Variants in DPP6 observed in about 807,000 individuals in gnomAD.
DPP6 encodes A-type potassium channel modulatory protein DPP6.
In DPP6, 69 loss-of-function variants were observed where a neutral mutation model predicts 122.6. The ratio of observed to expected loss-of-function variants is 0.56; its 90% CI spans 0.46 to 0.69. The LOEUF is 0.69. DPP6 is among the 30% of genes least tolerant of loss of function. DPP6 has a pLI of 0.00. For synonymous variants in DPP6, 418 were observed against 433.1 expected, an observed-to-expected ratio of 0.97 and a Z score of 0.43; for missense variants, 928 against 1,116.9, an observed-to-expected ratio of 0.83 and a Z score of 2.41.
rs74604618 is a variant in DPP6 at position 154,706,579 on chromosome 7, G to A, written c.763-21188G>A. ...TGGGCAGGGCCTGATGCTGGTTCCTGTCACTGTTGTGCCCACCTCTCCATG... is the reference window on the plus strand; with the variant it reads ...TGGGCAGGGCCTGATGCTGGTTCCTATCACTGTTGTGCCCACCTCTCCATG... On this transcript the variant is annotated intron_variant, in intron 7 of 25. Transcript: ENST00000377770. Among the ~76,000 whole-genome samples, 308 of 152,320 alleles carry A rather than the reference G, an allele frequency of 2.0e-3. 1 individual carries two copies. Among genetic ancestry groups the A allele is most frequent in the Non-Finnish European group, 2.7e-3 (182 of 68,028 alleles).
At chr7:154,001,428 T>C (rs537175514) in intron 1 of DPP6, among the ~76,000 whole-genome samples, 3 of 147,238 alleles carry the variant, frequency 2.0e-5, no homozygotes, top group African/African-American at 7.5e-5. Flanking sequence ...CTTCAAAGTC[T>C]TAAAGGAAGT....
In DPP6 at chr7:154,184,445, G is replaced by A. The variant is rs571355531; in HGVS notation, c.243+131382G>A. 5.3e-5 allele frequency among the ~76,000 whole-genome samples: 8 copies of A among 151,864 alleles called. No individual in the cohort carries two copies. The South Asian group carries it at 6.3e-4, about 12-fold the overall frequency. On this transcript the variant is annotated intron_variant, in intron 1 of 25. Transcript: ENST00000377770. The stretch of plus-strand genomic sequence containing the variant: ...AAGTCTGTGGTTGTTGGTAAGCAGC[G>A]TAAAAGCCAGGGAGTGTCTGCTGCA...
intron 7 of DPP6, among the ~76,000 whole-genome samples, chr7:154,671,632 C>T (rs1039480272): frequency 2.0e-5 from 3 of 146,828 alleles, no homozygotes; most frequent in Admixed American, 6.8e-5. Context: ...AGTTGCTGTG[C>T]ATGCATATGT....
intron 16 of DPP6, among the ~76,000 whole-genome samples, chr7:154,814,333 A>G (rs1048930355): frequency 2.6e-5 from 4 of 152,110 alleles, no homozygotes; most frequent in Admixed American, 2.6e-4. Context: ...GTCTTTGACT[A>G]CCTGATAAAC....
intron 10 of DPP6, among the ~76,000 whole-genome samples, chr7:154,780,269 G>A (rs1292790101): frequency 6.6e-6 from 1 of 152,194 alleles, no homozygotes; most frequent in Non-Finnish European, 1.5e-5. Context: ...TTGATCATGG[G>A]ATCATTAATA....
chr7:154,338,186 G>T (rs1223623357), intron 1 of DPP6, among the ~76,000 whole-genome samples: 1 of 152,102 alleles, frequency 6.6e-6, no homozygotes, highest in Non-Finnish European at 1.5e-5. Flanking sequence ...ATGAGCAGTT[G>T]TACTCCAGCA....
chr7:154,735,298 A>C (rs1586983663), intron 8 of DPP6, among the ~76,000 whole-genome samples: 1 of 152,156 alleles, frequency 6.6e-6, no homozygotes, highest in Non-Finnish European at 1.5e-5. Context: ...ATGAGCCCCA[A>C]AGTTCTTGTG....
intron 1 of DPP6, among the ~76,000 whole-genome samples, chr7:153,926,639 C>G (rs1800912620): frequency 6.6e-6 from 1 of 151,918 alleles, no homozygotes; most frequent in South Asian, 2.1e-4. Context: ...TCTCCCTGAT[C>G]TCCCTATGAT....
At chr7:154,263,532 T>A (rs1803170531) in intron 1 of DPP6, among the ~76,000 whole-genome samples, 1 of 152,214 alleles carries the variant, frequency 6.6e-6, no homozygotes, top group Non-Finnish European at 1.5e-5. Flanking sequence ...TCCCACAATA[T>A]TTTCACTAAC....
At chr7:154,058,211 C>G (rs552443998) in intron 1 of DPP6, 64 of 150,048 alleles carry the variant, frequency 4.3e-4, no homozygotes, top group African/African-American at 1.5e-3. Flanking sequence ...CCCCTTTCCT[C>G]CCCTGGCTCT....
At chr7:153,937,437 C>CTTTTTTTTTTT (rs201001951) in intron 1 of DPP6, among the ~76,000 whole-genome samples, 1 of 115,476 alleles carries the variant, frequency 8.7e-6, no homozygotes, top group Non-Finnish European at 1.7e-5. Flanking sequence ...TCAGAGCTAA[C>CTTTTTTTTTTT]TTTTTTTTTT....
chr7:154,296,009 A>G (rs1284735087), intron 1 of DPP6, among the ~76,000 whole-genome samples: 1 of 142,258 alleles, frequency 7.0e-6, no homozygotes, highest in African/African-American at 2.7e-5. Flanking sequence ...CAGTGGTGCT[A>G]TCTCGGCTCA....
At chr7:154,354,516 C>T (rs939770215) in intron 1 of DPP6, among the ~76,000 whole-genome samples, 5 of 152,134 alleles carry the variant, frequency 3.3e-5, no homozygotes, top group Admixed American at 6.5e-5. Context: ...CAAATGGCTT[C>T]CCTATTAATA....
chr7:154,877,889 G>A lies in DPP6; in HGVS notation c.2078+1789G>A, dbSNP rs1805028390. 6.6e-6 allele frequency among the ~76,000 whole-genome samples: 1 copy of A among 152,176 alleles called. No homozygotes were observed. Among genetic ancestry groups the A allele is most frequent in the African/African-American group, 2.4e-5 (1 of 41,446 alleles). ...GGGAATGCTGGGGTTCAGTGTGGAA[G>A]GAGGATGGGTGGGTGGCTGCTGGGT... On this transcript the variant is annotated intron_variant, in intron 20 of 25. Transcript: ENST00000377770. This position sits in a 1 kb window ranked among gnomAD's most constrained non-coding sequence, Gnocchi z 5.2.
chr7:153,868,485 A>G, the DPP6 span, among the ~76,000 whole-genome samples: 1 of 152,032 alleles, frequency 6.6e-6, no homozygotes, highest in African/African-American at 2.4e-5. Flanking sequence ...TTTCTGTGGG[A>G]TCGGTGGTGA....
chr7:154,014,698 T>G (rs1225788632), intron 1 of DPP6, among the ~76,000 whole-genome samples: 1 of 152,016 alleles, frequency 6.6e-6, no homozygotes, highest in Non-Finnish European at 1.5e-5. Flanking sequence ...AAAAAAATCA[T>G]GGGCTAGCTA....
chr7:154,219,626 G>T (rs1227285998), intron 1 of DPP6, among the ~76,000 whole-genome samples: 4 of 150,964 alleles, frequency 2.6e-5, no homozygotes, highest in Non-Finnish European at 5.9e-5. Flanking sequence ...TCGTTCTGTT[G>T]CCCAGGCTGG....
At chr7:154,333,737 C>A (rs192075346) in intron 1 of DPP6, among the ~76,000 whole-genome samples, 18 of 152,300 alleles carry the variant, frequency 1.2e-4, no homozygotes, top group African/African-American at 4.1e-4. Context: ...TTCAAGAATT[C>A]GAGATCCAAA....
intron 1 of DPP6, among the ~76,000 whole-genome samples, chr7:154,172,584 T>A (rs1335219158): frequency 6.6e-6 from 1 of 151,750 alleles, no homozygotes. Context: ...TGCAATTGTC[T>A]CTTCTAAAGT....
Sources: gnomAD v4.1 joint callset for allele counts (sites outside exome capture counted in the v4.1 genomes callset) on GRCh38, gnomAD v4.1.1 for gene constraint, Gnocchi (gnomAD v3.1) non-coding constraint, MANE v1.5 for transcripts, NCBI Gene and HGNC (gene_info 2026-07-23, HGNC 2026-07-21) for gene names.